USH2A: variants seen among roughly 807,000 people sequenced by gnomAD.
The protein encoded by USH2A is Usher syndrome 2A (autosomal recessive, mild).
USH2A carries 443 observed loss-of-function variants against 538.9 expected under a neutral mutation model. The observed-to-expected ratio is 0.82, with a 90% CI of 0.76 to 0.89. The LOEUF (loss-of-function observed/expected upper bound fraction) is 0.89. Ranked by LOEUF, USH2A falls within the 40% of genes least tolerant of loss-of-function variation. The pLI is 0.00. For missense variants in USH2A, 6,633 were observed against 6,324.8 expected (o/e 1.05, Z -1.65); for synonymous variants, 2,413 against 2,273.5 (o/e 1.06, Z -1.75).
chr1:216,158,669 C>G (rs2033997543), intron 21 of USH2A, among the ~76,000 whole-genome samples: 1 of 152,056 alleles, frequency 6.6e-6, no homozygotes, highest in Admixed American at 6.6e-5. Context: ...CCTACTTTGC[C>G]CTTTTTTAGT....
intron 21 of USH2A, among the ~76,000 whole-genome samples, chr1:216,140,220 G>A (rs1445035039): frequency 6.6e-6 from 1 of 152,120 alleles, no homozygotes; most frequent in East Asian, 1.9e-4. Context: ...TTCACCTGCT[G>A]AACCTCACTA....
At chr1:216,103,571 A>C (rs1337100800) in intron 21 of USH2A, among the ~76,000 whole-genome samples, 1 of 152,226 alleles carries the variant, frequency 6.6e-6, no homozygotes, top group Non-Finnish European at 1.5e-5. Flanking sequence ...AATCAAGAGA[A>C]GGAACCTGTA....
At chr1:215,948,425 G>GAGATAT (rs1553279472) in intron 37 of USH2A, among the ~76,000 whole-genome samples, 1 of 144,552 alleles carries the variant, frequency 6.9e-6, no homozygotes, top group East Asian at 2.0e-4. Flanking sequence ...TATTTGTTCA[G>GAGATAT]ATATATATAT....
chr1:215,991,745 G>C (rs546647355), intron 35 of USH2A, among the ~76,000 whole-genome samples: 1 of 152,334 alleles, frequency 6.6e-6, no homozygotes, highest in South Asian at 2.1e-4. Flanking sequence ...AAGATTCTGA[G>C]AGCAATTGTA....
At position 216,323,458 on chromosome 1, in the gene USH2A, A is replaced by G. The variant is rs559791157; in HGVS notation, c.1550+16T>C. 128 of 1,612,932 alleles carry G rather than the reference A, an allele frequency of 7.9e-5. No individual in the cohort carries two copies. The Admixed American group carries it at 8.8e-4, about 11-fold the overall frequency. On this transcript the variant is annotated intron_variant, in intron 8 of 71. Coordinates refer to ENST00000307340, the MANE Select transcript of USH2A (RefSeq NM_206933.4). ...TATGACAAAAACCTTGTTGAAAACA[A>G]AATTCATAATAATACCTCCCACTAA...
At chr1:216,173,891 A>G (rs2034320231) in intron 21 of USH2A, 3 of 890,770 alleles carry the variant, frequency 3.4e-6, no homozygotes, top group Non-Finnish European at 4.0e-6. Flanking sequence ...TTCATTTGAG[A>G]AAAGAGTTTT....
At chr1:215,780,495 A>G (rs1030631012) in intron 54 of USH2A, among the ~76,000 whole-genome samples, 1 of 152,252 alleles carries the variant, frequency 6.6e-6, no homozygotes, top group African/African-American at 2.4e-5. Context: ...TGAACAGAAT[A>G]AATGGGCAGA....
Position 215,806,641 on chromosome 1 carries a change from G to A in USH2A, c.9739+7095C>T, listed in dbSNP as rs543279535. ...CTACATACCTCTAGAAAGTTACCTC[G>A]CTTGGCATAACACCCCATTATCCCC... On this transcript the variant is annotated intron_variant, in intron 49 of 71. Transcript: ENST00000307340. 6.2e-4 allele frequency among the ~76,000 whole-genome samples: 94 copies of A among 151,994 alleles called. 1 individual carries two copies. Among genetic ancestry groups the A allele is most frequent in the African/African-American group, 2.1e-3 (87 of 41,416 alleles).
rs111632670 is a variant in USH2A, at chr1:216,175,439, G to A, written c.4440C>T (p.Ser1480=). The A allele has an allele frequency of 1.9e-3, 3,137 of 1,613,764 alleles. 65 individuals are homozygous for A. The African/African-American group carries it at 0.037, about 19-fold the overall frequency. Residue 1480 remains serine, a synonymous_variant, in exon 21 of 72, where the codon AGC becomes AGT. Coordinates refer to ENST00000307340, the MANE Select transcript of USH2A (RefSeq NM_206933.4). The part of the protein sequence containing the change: ...LRPPLVKGIN[S]TTIHLRWFPP... ...GAAACCACCTAAGATGGATTGTTGTGCTGTTGATTCCTTTAACCAGAGGTG... is the reference window on the plus strand; with the variant it reads ...GAAACCACCTAAGATGGATTGTTGTACTGTTGATTCCTTTAACCAGAGGTG...
At chr1:215,920,160 C>A (rs1437297873) in intron 38 of USH2A, among the ~76,000 whole-genome samples, 2 of 151,998 alleles carry the variant, frequency 1.3e-5, no homozygotes, top group African/African-American at 4.8e-5. Context: ...TCTCAAAGAC[C>A]TTTGTGTTCA....
intron 9 of USH2A, among the ~76,000 whole-genome samples, chr1:216,298,804 C>A (rs1280499077): frequency 1.3e-5 from 2 of 151,772 alleles, no homozygotes; most frequent in Admixed American, 1.3e-4. Flanking sequence ...GTATACATTC[C>A]ACAGGACCCA....
intron 35 of USH2A, among the ~76,000 whole-genome samples, chr1:215,989,611 A>G (rs1397948521): frequency 6.6e-6 from 1 of 152,054 alleles, no homozygotes; most frequent in African/African-American, 2.4e-5. Flanking sequence ...TGGGTGAGCA[A>G]TATTAATGGC....
At chr1:215,787,991 C>T (rs1316105988) in intron 51 of USH2A, among the ~76,000 whole-genome samples, 4 of 151,906 alleles carry the variant, frequency 2.6e-5, no homozygotes, top group African/African-American at 9.7e-5. Flanking sequence ...TTGCAGTGAG[C>T]CAAGATGACA....
chr1:216,028,366 G>A (rs1393231667), intron 32 of USH2A, among the ~76,000 whole-genome samples: 3 of 151,786 alleles, frequency 2.0e-5, no homozygotes, highest in South Asian at 2.1e-4. Flanking sequence ...CAGCCTGGGC[G>A]ACAGAGTGAG....
intron 64 of USH2A, 71 bp downstream of exon 64, chr1:215,670,901 A>T: frequency 2.0e-6 from 3 of 1,489,594 alleles, no homozygotes; most frequent in South Asian, 2.3e-5. Flanking sequence ...CAAATTGTGC[A>T]CCATTTTTAC....
At chr1:216,395,702 AT>A (rs1287566054) in intron 3 of USH2A, among the ~76,000 whole-genome samples, 2 of 152,182 alleles carry the variant, frequency 1.3e-5, no homozygotes, top group East Asian at 3.9e-4. Flanking sequence ...GTCTGCAGAC[AT>A]TTTTGACTAT....
intron 11 of USH2A, among the ~76,000 whole-genome samples, chr1:216,273,885 C>G (rs1012636390): frequency 2.0e-5 from 3 of 151,340 alleles, no homozygotes; most frequent in Non-Finnish European, 4.4e-5. Flanking sequence ...CCATACATAC[C>G]ATTTTTAAAT....
Position 216,084,681 on chromosome 1 carries a change from CT to C in USH2A, c.5167+16del. ...ATAGATTTTAAGTGAACACTCATGT[CT>C]TTTTTAGAGCATTACCTGCTCCTAG... On this transcript the variant is annotated intron_variant, in intron 25 of 71. Coordinates refer to ENST00000307340, the MANE Select transcript of USH2A (RefSeq NM_206933.4). 1.2e-6 allele frequency: 2 copies of C among 1,611,840 alleles called. No individual in the cohort carries two copies. Among genetic ancestry groups the C allele is most frequent in the East Asian group, 2.2e-5 (1 of 44,832 alleles).
chr1:216,071,059 C>G (rs930552995), intron 29 of USH2A, among the ~76,000 whole-genome samples: 3 of 152,126 alleles, frequency 2.0e-5, no homozygotes, highest in Non-Finnish European at 4.4e-5. Context: ...CAGTTCTGAT[C>G]AGTAAAAACT....
Sources: gnomAD v4.1 joint callset for allele counts (sites outside exome capture counted in the v4.1 genomes callset) on GRCh38, gnomAD v4.1.1 for gene constraint, MANE v1.5 for transcripts, NCBI Gene and HGNC (gene_info 2026-07-23, HGNC 2026-07-21) for gene names.